Variants in SENP2 observed in about 807,000 individuals in gnomAD.
SENP2 encodes SUMO specific peptidase 2.
A neutral mutation model predicts 86.3 loss-of-function variants in SENP2; 16 were observed. The ratio of observed to expected loss-of-function variants is 0.19; its 90% confidence interval spans 0.13 to 0.28. The LOEUF (loss-of-function observed/expected upper bound fraction) is 0.28. Ranked by LOEUF, SENP2 falls within the 10% of genes least tolerant of loss-of-function variation. The pLI, the probability that SENP2 is intolerant of heterozygous loss-of-function variation, is 1.00. For synonymous variants in SENP2, 222 were observed against 238.7 expected, an observed-to-expected ratio of 0.93 and a Z score of 0.64; for missense variants, 552 against 703.0, an observed-to-expected ratio of 0.79 and a Z score of 2.43.
At chr3:185,598,914 G>T in intron 3 of SENP2, 44 bp from the exon 4 acceptor site, 2 of 1,485,884 alleles carry the variant, frequency 1.3e-6, no homozygotes, top group South Asian at 2.4e-5. Flanking sequence ...TTATTTAGGT[G>T]ACAAAATTTA....
chr3:185,601,123 G>A (rs751628685), intron 5 of SENP2, among the ~76,000 whole-genome samples: 1 of 143,322 alleles, frequency 7.0e-6, no homozygotes, highest in Non-Finnish European at 1.5e-5. Flanking sequence ...GGCTCACTGT[G>A]ACCTCTGCCT....
intron 5 of SENP2, among the ~76,000 whole-genome samples, chr3:185,602,415 G>T (rs1046487274): frequency 1.3e-5 from 2 of 152,100 alleles, no homozygotes; most frequent in African/African-American, 4.8e-5. Context: ...TCACTGGCCA[G>T]ATGGGATAAT....
chr3:185,621,917 T>C lies in SENP2; in HGVS notation c.1526+12T>C, dbSNP rs1711906836. On this transcript the variant is annotated intron_variant, in intron 14 of 16. Coordinates refer to ENST00000296257, the MANE Select transcript of SENP2 (RefSeq NM_021627.3). ...TGTGAGATTCTCCTGTAAGTAAAGG[T>C]TGAAAACCTCACTACCCCCTGTTGA... 1.3e-6 allele frequency: 2 copies of C among 1,580,490 alleles called. No homozygotes were observed. The highest frequency in any genetic ancestry group is 2.2e-5 in the South Asian group (2 of 89,670).
At chr3:185,610,891 G>A (rs1208061017) in intron 7 of SENP2, among the ~76,000 whole-genome samples, 1 of 152,144 alleles carries the variant, frequency 6.6e-6, no homozygotes, top group African/African-American at 2.4e-5. Flanking sequence ...CCGGGAGGCG[G>A]AGCTTGCAGT....
chr3:185,621,935 C>A, intron 14 of SENP2, 30 bp downstream of exon 14: 1 of 1,406,104 alleles, frequency 7.1e-7, no homozygotes, highest in Non-Finnish European at 1.0e-6. Flanking sequence ...CTCACTACCC[C>A]CTGTTGAGGT....
chr3:185,613,821 CTG>C (rs1711505010), intron 10 of SENP2, among the ~76,000 whole-genome samples: 1 of 130,586 alleles, frequency 7.7e-6, no homozygotes, highest in Admixed American at 8.8e-5. Flanking sequence ...GAATGAGACT[CTG>C]TCTCAAAAAA....
Position 185,598,522 on chromosome 3 carries a change from C to T in SENP2, c.268C>T (p.Arg90Trp), listed in dbSNP as rs756783643. The T allele has an allele frequency of 1.3e-5, 21 of 1,613,858 alleles. No individual in the cohort carries two copies. The highest frequency in any genetic ancestry group is 1.6e-4 in the Middle Eastern group (1 of 6,084). The change falls in exon 3 of 17, where the codon CGG becomes TGG. Residue 90 changes from arginine to tryptophan, a missense_variant. By Grantham distance (101) the Arg-to-Trp change is moderately radical. Transcript: ENST00000296257. ...GGTAACTTCTGCTTGTAATGGAACACGGAATGTGGCCCCTTCAGGAGAGGT... is the reference window on the plus strand; with the variant it reads ...GGTAACTTCTGCTTGTAATGGAACATGGAATGTGGCCCCTTCAGGAGAGGT... Reference protein sequence around the residue: ...PMVTSACNGTRNVAPSGEVFS... With the variant: ...PMVTSACNGTWNVAPSGEVFS...
intron 7 of SENP2, 132 bp downstream of exon 7, chr3:185,609,482 G>A (rs958066853): frequency 1.6e-6 from 1 of 616,944 alleles, no homozygotes; most frequent in Non-Finnish European, 2.8e-6. Flanking sequence ...TCATTTGCCT[G>A]GATATTTATC....
intron 4 of SENP2, among the ~76,000 whole-genome samples, chr3:185,600,513 A>C (rs973894723): frequency 2.6e-5 from 4 of 152,224 alleles, no homozygotes; most frequent in Non-Finnish European, 4.4e-5. Flanking sequence ...AGTCCCATCA[A>C]GCAAAACAAG....
chr3:185,593,524 G>A (rs1375866878), intron 2 of SENP2, among the ~76,000 whole-genome samples: 1 of 152,134 alleles, frequency 6.6e-6, no homozygotes, highest in Non-Finnish European at 1.5e-5. Flanking sequence ...AACATTCACA[G>A]CATTATGTAA....
At chr3:185,627,833 A>T (rs1021099836) in intron 16 of SENP2, among the ~76,000 whole-genome samples, 25 of 152,244 alleles carry the variant, frequency 1.6e-4, no homozygotes, top group Admixed American at 1.3e-4. Flanking sequence ...GGACAACCTC[A>T]TTAAAGAATA....
At chr3:185,591,202 A>G (rs1048168979) in intron 2 of SENP2, among the ~76,000 whole-genome samples, 3 of 149,492 alleles carry the variant, frequency 2.0e-5, no homozygotes, top group Non-Finnish European at 4.5e-5. Context: ...ACCGCACCCA[A>G]CCCAAGAAAG....
At position 185,629,826 on chromosome 3, in the gene SENP2, T is replaced by C. The variant is rs768109746; in HGVS notation, c.1752T>C (p.Leu584=). ...GGAAGAAGATGGTGTGGGAAATCCT[T>C]CATCAGCAGTTGCTGTGAGAAAACT... ...LFRKKMVWEI[L]HQQLL is the part of the protein sequence containing the mutation. Residue 584 remains leucine, a synonymous_variant, in exon 17 of 17, where the codon CTT becomes CTC. Transcript: ENST00000296257. 1 of 1,614,170 alleles carries C rather than the reference T, an allele frequency of 6.2e-7. No individual in the cohort carries two copies. The highest frequency in any genetic ancestry group is 8.5e-7 in the Non-Finnish European group (1 of 1,180,026).
At position 185,602,745 on chromosome 3, in the gene SENP2, A is replaced by G. The variant is rs535842946; in HGVS notation, c.449+1890A>G. Among the ~76,000 whole-genome samples, 30 of 148,680 alleles carry G rather than the reference A, an allele frequency of 2.0e-4. No homozygotes were observed. The South Asian group carries it at 6.1e-3, about 30-fold the overall frequency. ...GCTACTTGGGAGGCTGAGGCAGTAG[A>G]ATTGCTTGAACCCGGAAGCAGAGGG... is the stretch of plus-strand genomic sequence containing the variant. On this transcript the variant is annotated intron_variant, in intron 5 of 16. Transcript: ENST00000296257.
At chr3:185,619,117 T>C (rs1438214827) in intron 12 of SENP2, among the ~76,000 whole-genome samples, 182 bp from the exon 13 acceptor site, 1 of 152,216 alleles carries the variant, frequency 6.6e-6, no homozygotes, top group Non-Finnish European at 1.5e-5. Flanking sequence ...AAGTACAGTT[T>C]CATTTCATTT....
intron 5 of SENP2, among the ~76,000 whole-genome samples, chr3:185,603,607 G>A (rs1722418002): frequency 1.3e-5 from 2 of 152,190 alleles, no homozygotes; most frequent in Admixed American, 1.3e-4. Flanking sequence ...TAGCTTCAGA[G>A]ATATTTGAAT....
chr3:185,611,818 A>C, intron 8 of SENP2, 73 bp downstream of exon 8: 1 of 1,063,274 alleles, frequency 9.4e-7, no homozygotes, highest in South Asian at 1.4e-5. Context: ...ATGAGGTAGA[A>C]AATTGACATT....
intron 16 of SENP2, among the ~76,000 whole-genome samples, chr3:185,628,038 G>C (rs1246522990): frequency 6.6e-6 from 1 of 152,132 alleles, no homozygotes; most frequent in African/African-American, 2.4e-5. Flanking sequence ...CAAATGTGCA[G>C]TTTTTACTAG....
At chr3:185,627,355 C>G (rs1376867208) in intron 16 of SENP2, among the ~76,000 whole-genome samples, 1 of 152,184 alleles carries the variant, frequency 6.6e-6, no homozygotes, top group Admixed American at 6.6e-5. Flanking sequence ...AGCCACAGGT[C>G]TAAGATGTAA....
Sources: gnomAD v4.1 joint callset for allele counts (sites outside exome capture counted in the v4.1 genomes callset) on GRCh38, gnomAD v4.1.1 for gene constraint, MANE v1.5 for transcripts, NCBI Gene and HGNC (gene_info 2026-07-23, HGNC 2026-07-21) for gene names.